SIK3: variants seen among roughly 807,000 people sequenced by gnomAD.
SIK3 encodes serine/threonine-protein kinase SIK3.
In SIK3, 28 loss-of-function variants were observed where a neutral mutation model predicts 144.2. That is an observed-to-expected ratio of 0.19 (90% CI 0.14 to 0.27). The LOEUF (loss-of-function observed/expected upper bound fraction) is 0.27, where lower values mean the gene tolerates loss of function less well. SIK3 is among the 10% of genes least tolerant of loss of function. The probability of loss-of-function intolerance (pLI) is 1.00; values close to 1 mark genes in which losing one functional copy is unlikely to be tolerated. For missense variants in SIK3, 1,319 were observed against 1,776.0 expected (o/e 0.74, Z 4.62); for synonymous variants, 686 against 676.3 (o/e 1.01, Z -0.22).
intron 1 of SIK3, among the ~76,000 whole-genome samples, chr11:117,017,494 G>T (rs192201757): frequency 1.5e-4 from 22 of 151,508 alleles, no homozygotes; most frequent in African/African-American, 4.1e-4. Flanking sequence ...GCTAAGCACA[G>T]GCCTAGTACA....
In SIK3 at chr11:117,034,813, G is replaced by A. The variant is rs187437651; in HGVS notation, c.273+63330C>T. On this transcript the variant is annotated intron_variant, in intron 1 of 24. Transcript: ENST00000445177. ...GAATCTGTTCGCTACCCAAAGGCAA[G>A]TTCTATTATAAATAGTCAATTAAGA... Among the ~76,000 whole-genome samples, 141 of 152,218 alleles carry A rather than the reference G, an allele frequency of 9.3e-4. No homozygotes were observed. In the East Asian group the frequency reaches 0.021, roughly 23 times the overall value.
At chr11:116,986,947 G>A (rs1425519622) in intron 1 of SIK3, among the ~76,000 whole-genome samples, 1 of 152,172 alleles carries the variant, frequency 6.6e-6, no homozygotes, top group Non-Finnish European at 1.5e-5. Context: ...CAGAATGGTG[G>A]TGCCAGAGGC....
At chr11:117,001,109 A>T (rs1228300347) in intron 1 of SIK3, among the ~76,000 whole-genome samples, 1 of 152,246 alleles carries the variant, frequency 6.6e-6, no homozygotes, top group African/African-American at 2.4e-5. Context: ...GGGTGGGGCG[A>T]TAGCACGGAA....
At chr11:116,994,850 A>C (rs1950607455) in intron 1 of SIK3, among the ~76,000 whole-genome samples, 1 of 151,476 alleles carries the variant, frequency 6.6e-6, no homozygotes, top group Non-Finnish European at 1.5e-5. Context: ...GCTATTCTTC[A>C]TTCCTCAAAC....
chr11:116,921,891 C>T (rs1055572084), intron 4 of SIK3, among the ~76,000 whole-genome samples: 1 of 146,426 alleles, frequency 6.8e-6, no homozygotes, highest in African/African-American at 2.5e-5. Flanking sequence ...GAATTAAGCA[C>T]AAAAAAAATC....
chr11:116,887,612 CAAAA>C (rs58936458), intron 6 of SIK3, among the ~76,000 whole-genome samples: 1 of 96,854 alleles, frequency 1.0e-5, no homozygotes, highest in African/African-American at 3.3e-5. Context: ...ATCTGTCTCC[CAAAA>C]AAAAAAAAAA....
intron 1 of SIK3, among the ~76,000 whole-genome samples, chr11:116,994,319 G>GA (rs1161278128): frequency 6.6e-6 from 1 of 152,012 alleles, no homozygotes; most frequent in African/African-American, 2.4e-5. Context: ...AATTAGCAAG[G>GA]AAAAAAATAC....
Position 116,924,677 on chromosome 11 carries a change from C to T in SIK3, c.616+2542G>A, listed in dbSNP as rs182335380. Among the ~76,000 whole-genome samples the T allele has an allele frequency of 4.9e-3, 750 of 152,276 alleles. 7 individuals are homozygous for T. The highest frequency in any genetic ancestry group is 0.017 in the African/African-American group (711 of 41,554). On this transcript the variant is annotated intron_variant, in intron 4 of 24. Transcript: ENST00000445177. Reference sequence around the variant, plus strand: ...AGAGCCCAAGGAATGGAGATGACCCCAGTCTTCCCTCCTTCCCCACCCCAA... The same window carrying T: ...AGAGCCCAAGGAATGGAGATGACCCTAGTCTTCCCTCCTTCCCCACCCCAA...
chr11:117,002,928 A>G (rs1488933907), intron 1 of SIK3, among the ~76,000 whole-genome samples: 1 of 152,208 alleles, frequency 6.6e-6, no homozygotes, highest in Non-Finnish European at 1.5e-5. Flanking sequence ...CTAAAATCCA[A>G]CATGCTCACA....
intron 1 of SIK3, among the ~76,000 whole-genome samples, chr11:117,030,098 G>A (rs192665306): frequency 6.6e-6 from 1 of 152,256 alleles, no homozygotes; most frequent in African/African-American, 2.4e-5. Flanking sequence ...TTGAGTGAAG[G>A]TGAGTAACAT....
intron 4 of SIK3, among the ~76,000 whole-genome samples, chr11:116,899,749 G>A (rs1250925993): frequency 6.6e-6 from 1 of 152,138 alleles, no homozygotes. Flanking sequence ...CTCTGGTGTA[G>A]AAATGCTTTT....
At chr11:117,025,496 A>G (rs531911336) in intron 1 of SIK3, among the ~76,000 whole-genome samples, 24 of 152,272 alleles carry the variant, frequency 1.6e-4, no homozygotes, top group Admixed American at 1.6e-3. Context: ...CCCAGGCTAG[A>G]GTGCAATGGC....
At chr11:117,045,670 C>A (rs2135880876) in intron 1 of SIK3, among the ~76,000 whole-genome samples, 1 of 152,256 alleles carries the variant, frequency 6.6e-6, no homozygotes, top group African/African-American at 2.4e-5. Context: ...ATAAAAAGGG[C>A]AGTGGTGAGA....
At chr11:116,905,939 C>A (rs183797338) in intron 4 of SIK3, among the ~76,000 whole-genome samples, 2 of 152,298 alleles carry the variant, frequency 1.3e-5, no homozygotes, top group East Asian at 1.9e-4. Context: ...TCCTTTGATG[C>A]ACAAAAGTTT....
intron 1 of SIK3, among the ~76,000 whole-genome samples, chr11:117,047,302 AG>A (rs1308249267): frequency 6.6e-6 from 1 of 152,226 alleles, no homozygotes; most frequent in Non-Finnish European, 1.5e-5. Flanking sequence ...ACGTGACACT[AG>A]TGTTTTGACT....
At chr11:116,861,432 T>A in intron 18 of SIK3, 49 bp from the exon 19 acceptor site, 2 of 1,367,474 alleles carry the variant, frequency 1.5e-6, no homozygotes, top group Non-Finnish European at 2.1e-6. Context: ...AAGGTGACAG[T>A]ACAATCTTAA....
At chr11:117,079,871 T>C (rs574836824) in intron 1 of SIK3, among the ~76,000 whole-genome samples, 1 of 152,204 alleles carries the variant, frequency 6.6e-6, no homozygotes, top group East Asian at 1.9e-4. Flanking sequence ...TTCCCTAATA[T>C]TAAAAAGCTA....
At chr11:117,051,701 G>A (rs1008736717) in intron 1 of SIK3, among the ~76,000 whole-genome samples, 1 of 151,794 alleles carries the variant, frequency 6.6e-6, no homozygotes, top group Non-Finnish European at 1.5e-5. Flanking sequence ...GCTAATTTTT[G>A]TATTTTTAAT....
chr11:116,948,996 CTAA>C (rs1340593785), intron 3 of SIK3, among the ~76,000 whole-genome samples: 8 of 151,214 alleles, frequency 5.3e-5, no homozygotes, highest in African/African-American at 1.7e-4. Context: ...AAACAACACA[CTAA>C]TAAATAAATA....
Sources: allele counts gnomAD v4.1 joint callset (sites outside exome capture counted in the v4.1 genomes callset), GRCh38; gene constraint gnomAD v4.1.1; transcripts MANE v1.5; gene names NCBI Gene and HGNC (gene_info 2026-07-23, HGNC 2026-07-21).